ZRANB1: variants seen among roughly 807,000 people sequenced by gnomAD.
The protein encoded by ZRANB1 is ubiquitin thioesterase ZRANB1.
Under a neutral mutation model 80.5 loss-of-function variants are expected in ZRANB1, and 16 were observed. The ratio of observed to expected loss-of-function variants is 0.20; its 90% CI spans 0.13 to 0.30. The LOEUF (loss-of-function observed/expected upper bound fraction) is 0.30, where lower values mean the gene tolerates loss of function less well. ZRANB1 is among the 10% of genes least tolerant of loss of function. ZRANB1 has a pLI of 1.00. For missense variants in ZRANB1, 576 were observed against 862.6 expected, an observed-to-expected ratio of 0.67 and a Z score of 4.16; for synonymous variants, 291 against 293.1, an observed-to-expected ratio of 0.99 and a Z score of 0.07.
At chr10:124,917,784 G>A in the ZRANB1 span, among the ~76,000 whole-genome samples, 87 of 152,280 alleles carry the variant, frequency 5.7e-4, no homozygotes, top group African/African-American at 2.0e-3. Flanking sequence ...ACGACGAGGC[G>A]GGTGGGGAGG....
At chr10:124,930,600 T>A in the ZRANB1 span, among the ~76,000 whole-genome samples, 1 of 152,218 alleles carries the variant, frequency 6.6e-6, no homozygotes, top group Admixed American at 6.5e-5. Flanking sequence ...GAACTAGGTA[T>A]AAATATCAAG....
chr10:124,961,040 T>C (rs1951729174), intron 1 of ZRANB1, among the ~76,000 whole-genome samples: 1 of 152,012 alleles, frequency 6.6e-6, no homozygotes, highest in Non-Finnish European at 1.5e-5. Context: ...CGCTCTTTGT[T>C]GTCCAGGCTG....
At chr10:124,981,164 A>T (rs1382924311) in intron 5 of ZRANB1, among the ~76,000 whole-genome samples, 1 of 152,208 alleles carries the variant, frequency 6.6e-6, no homozygotes, top group African/African-American at 2.4e-5. Context: ...TGTTAAGCAT[A>T]AAGAAGGAAT....
In ZRANB1 at chr10:124,983,892, A is replaced by G. The variant is rs995348766; in HGVS notation, c.1908+204A>G. Among the ~76,000 whole-genome samples, 3 of 152,200 alleles carry G rather than the reference A, an allele frequency of 2.0e-5. No individual in the cohort carries two copies. Among genetic ancestry groups the G allele is most frequent in the African/African-American group, 7.2e-5 (3 of 41,438 alleles). On this transcript the variant is annotated intron_variant, in intron 8 of 8. Transcript: ENST00000359653. This position sits in a 1 kb window ranked among gnomAD's most constrained non-coding sequence, Gnocchi z 6.2. ...ACACATCAAGGAACTTAAGGTGGTGATGGGTTTTAAGAAGAAAAAGTAAAG... is the reference window on the plus strand; with the variant it reads ...ACACATCAAGGAACTTAAGGTGGTGGTGGGTTTTAAGAAGAAAAAGTAAAG...
chr10:124,941,576 T>G (rs1015948652), upstream of ZRANB1, among the ~76,000 whole-genome samples: 25 of 152,232 alleles, frequency 1.6e-4, no homozygotes, highest in African/African-American at 5.8e-4. Flanking sequence ...GGTCTTGAAC[T>G]CCTGACCTTG....
chr10:124,983,729 T>G lies in ZRANB1; in HGVS notation c.1908+41T>G. The G allele has an allele frequency of 6.8e-7, 1 of 1,478,730 alleles. No homozygotes were observed. The highest frequency in any genetic ancestry group is 9.2e-7 in the Non-Finnish European group (1 of 1,087,090). The allele number at this position is 1,478,730 out of a possible 1,614,324, so 91.6% of individuals were successfully genotyped here. A position where few individuals can be genotyped will look rare whatever the true frequency, so the allele number is the denominator to read the frequency against. ...TATGAACTATTTCTAGTAGTGACCT[T>G]GTACCAGAAACAGCCTGAAGTGCCT... On this transcript the variant is annotated intron_variant, in intron 8 of 8. Coordinates refer to ENST00000359653, the MANE Select transcript of ZRANB1 (RefSeq NM_017580.3). This position sits in a 1 kb window ranked among gnomAD's most constrained non-coding sequence, Gnocchi z 6.2.
At chr10:124,930,078 G>T in the ZRANB1 span, among the ~76,000 whole-genome samples, 1 of 152,068 alleles carries the variant, frequency 6.6e-6, no homozygotes, top group Non-Finnish European at 1.5e-5. Context: ...GCGAGTGTTC[G>T]TGATGTTAAT....
At position 124,986,963 on chromosome 10, in the gene ZRANB1, CTAT is replaced by C. The variant is rs72323735; in HGVS notation, c.*1976_*1978del. 13,536 of 152,470 alleles carry C rather than the reference CTAT, an allele frequency of 0.089. 743 individuals carry two copies. The highest frequency in any genetic ancestry group is 0.16 in the Admixed American group (2,458 of 15,272). The allele number at this position is 152,470 out of a possible 1,614,324, so 9.4% of individuals were successfully genotyped here. On this transcript the variant is annotated 3_prime_UTR_variant, in exon 9 of 9. Transcript: ENST00000359653. Reference sequence around the variant, plus strand: ...GTGAGTGTTGTTTCCCCTGAGCGCTCTATTATTTATTTATTTATTATCAATCAG... The same window carrying C: ...GTGAGTGTTGTTTCCCCTGAGCGCTCTATTTATTTATTTATTATCAATCAG...
In ZRANB1 at chr10:124,971,727, C is replaced by T. The variant is rs377504390; in HGVS notation, c.1003-238C>T. Among the ~76,000 whole-genome samples the T allele has an allele frequency of 7.2e-5, 11 of 152,214 alleles. No homozygotes were observed. The East Asian group carries it at 1.5e-3, about 21-fold the overall frequency. On this transcript the variant is annotated intron_variant, in intron 2 of 8. Coordinates refer to ENST00000359653, the MANE Select transcript of ZRANB1 (RefSeq NM_017580.3). The stretch of plus-strand genomic sequence containing the variant: ...TTTTTATGTGCATCTTTGAGTATTT[C>T]CTTGTGATAAATTCTTAAAGAGAAT...
At chr10:124,949,493 G>A (rs1350759915) in intron 1 of ZRANB1, among the ~76,000 whole-genome samples, 6 of 119,256 alleles carry the variant, frequency 5.0e-5, no homozygotes, top group African/African-American at 1.8e-4. Context: ...ATATATTCAC[G>A]TATACACACA....
rs1369381238 is a variant in ZRANB1, at chr10:124,973,630, G to A, written c.1157-15G>A. ...ATGAAACAAAAGATCTTTTAAGTTTGCATTTTCTTTGTAGATATTGAAGAT... is the reference window on the plus strand; with the variant it reads ...ATGAAACAAAAGATCTTTTAAGTTTACATTTTCTTTGTAGATATTGAAGAT... On this transcript the variant is annotated splice_polypyrimidine_tract_variant and intron_variant, in intron 3 of 8. Coordinates refer to ENST00000359653, the MANE Select transcript of ZRANB1 (RefSeq NM_017580.3). The A allele has an allele frequency of 1.6e-5, 25 of 1,605,278 alleles. No individual in the cohort carries two copies. Among genetic ancestry groups the A allele is most frequent in the Non-Finnish European group, 2.0e-5 (23 of 1,176,116 alleles).
At chr10:124,948,899 C>G (rs1951607055) in intron 1 of ZRANB1, among the ~76,000 whole-genome samples, 1 of 152,162 alleles carries the variant, frequency 6.6e-6, no homozygotes, top group African/African-American at 2.4e-5. Flanking sequence ...AGGGTCTGGG[C>G]AAACCTTTAT....
intron 8 of ZRANB1, 39 bp from the exon 9 acceptor site, chr10:124,984,735 T>C (rs748210432): frequency 6.3e-7 from 1 of 1,595,222 alleles, no homozygotes; most frequent in African/African-American, 1.3e-5. Context: ...CTCTGATCTG[T>C]TGTATGATTT....
chr10:124,920,737 C>T, the ZRANB1 span, among the ~76,000 whole-genome samples: 2 of 151,990 alleles, frequency 1.3e-5, no homozygotes, highest in East Asian at 3.9e-4. Context: ...TCTTCTCTTG[C>T]GTGAGACTTT....
chr10:124,965,383 G>A (rs554868787), intron 1 of ZRANB1, among the ~76,000 whole-genome samples: 2 of 152,268 alleles, frequency 1.3e-5, no homozygotes, highest in South Asian at 4.1e-4. Context: ...GGACTGTTTT[G>A]AATATTGGAG....
At chr10:124,925,294 G>A in the ZRANB1 span, among the ~76,000 whole-genome samples, 1 of 151,044 alleles carries the variant, frequency 6.6e-6, no homozygotes, top group South Asian at 2.1e-4. Flanking sequence ...TTTTTAAATT[G>A]TCATTCTAGT....
chr10:124,972,311 C>G (rs1197990488), intron 3 of ZRANB1, among the ~76,000 whole-genome samples, 193 bp downstream of exon 3: 1 of 152,202 alleles, frequency 6.6e-6, no homozygotes, highest in Non-Finnish European at 1.5e-5. Context: ...CGTCTGCTAT[C>G]TGAGAGGAAG....
In ZRANB1 at chr10:124,984,797, A is replaced by G; in HGVS notation, c.1932A>G (p.Glu644=). 6.2e-7 allele frequency: 1 copy of G among 1,613,866 alleles called. No homozygotes were observed. The highest frequency in any genetic ancestry group is 8.5e-7 in the Non-Finnish European group (1 of 1,179,872). Residue 644 remains glutamate (E), a synonymous_variant, in exon 9 of 9, where the codon GAA becomes GAG. Coordinates refer to ENST00000359653, the MANE Select transcript of ZRANB1 (RefSeq NM_017580.3). ...AGCTAGGTAATGAGGAACAGCAAGA[A>G]AAACTGCTCAGGGAGTGGCTGGACT... ...AQELGNEEQQ[E]KLLREWLDCC... is the part of the protein sequence containing the mutation.
chr10:124,954,166 T>G (rs1396395597), intron 1 of ZRANB1, among the ~76,000 whole-genome samples: 3 of 121,206 alleles, frequency 2.5e-5, no homozygotes, highest in Non-Finnish European at 3.7e-5. Context: ...TTTTTTTTTT[T>G]GTAGAGGCGG....
Sources: gnomAD v4.1 joint callset for allele counts (sites outside exome capture counted in the v4.1 genomes callset) on GRCh38, gnomAD v4.1.1 for gene constraint, Gnocchi (gnomAD v3.1) non-coding constraint, MANE v1.5 for transcripts, NCBI Gene and HGNC (gene_info 2026-07-23, HGNC 2026-07-21) for gene names.